Variants in FTO observed in about 807,000 individuals in gnomAD.
FTO encodes alpha-ketoglutarate-dependent dioxygenase FTO.
In FTO, 47 loss-of-function variants were observed where a neutral mutation model predicts 63.9. The observed-to-expected ratio is 0.74, with a 90% confidence interval of 0.58 to 0.94. The LOEUF (loss-of-function observed/expected upper bound fraction) is 0.94, where lower values mean the gene tolerates loss of function less well. Among genes scored for constraint, FTO ranks in the 40% least tolerant of loss-of-function variants. The pLI is 0.00. For synonymous variants in FTO, 207 were observed against 224.4 expected, an observed-to-expected ratio of 0.92 and a Z score of 0.69; for missense variants, 562 against 618.1, an observed-to-expected ratio of 0.91 and a Z score of 0.96.
intron 8 of FTO, among the ~76,000 whole-genome samples, chr16:53,984,778 A>T (rs2083627308): frequency 6.6e-6 from 1 of 151,450 alleles, no homozygotes; most frequent in Non-Finnish European, 1.5e-5. Context: ...TAGACGAGAA[A>T]AGGCCTTGAC....
At chr16:53,718,440 C>T (rs977391689) in intron 1 of FTO, among the ~76,000 whole-genome samples, 16 of 151,956 alleles carry the variant, frequency 1.1e-4, no homozygotes, top group African/African-American at 2.2e-4. Flanking sequence ...TGGATATTTA[C>T]GAGGTTGATA....
At chr16:53,793,319 T>A (rs1437944205) in intron 1 of FTO, among the ~76,000 whole-genome samples, 1 of 152,224 alleles carries the variant, frequency 6.6e-6, no homozygotes, top group Non-Finnish European at 1.5e-5. Context: ...CAGGACACCT[T>A]CTTTTCCCTT....
intron 1 of FTO, among the ~76,000 whole-genome samples, chr16:53,804,961 C>T (rs532291534): frequency 6.6e-6 from 1 of 152,172 alleles, no homozygotes; most frequent in South Asian, 2.1e-4. Flanking sequence ...TCCTTGCCCA[C>T]CAAGCACCCT....
At chr16:54,050,933 G>A (rs1428454976) in intron 8 of FTO, among the ~76,000 whole-genome samples, 1 of 152,200 alleles carries the variant, frequency 6.6e-6, no homozygotes, top group Non-Finnish European at 1.5e-5. Flanking sequence ...AGAACAGACA[G>A]TATGAAAACA....
chr16:53,901,330 A>G (rs936495626), intron 7 of FTO, among the ~76,000 whole-genome samples: 2 of 152,112 alleles, frequency 1.3e-5, no homozygotes, highest in Admixed American at 1.3e-4. Context: ...CTTGTTAGGA[A>G]CCCTAAGTGT....
chr16:53,716,787 A>G (rs1246020142), intron 1 of FTO, among the ~76,000 whole-genome samples: 2 of 151,418 alleles, frequency 1.3e-5, no homozygotes, highest in South Asian at 4.1e-4. Flanking sequence ...AAAAACTAAC[A>G]AATATGGAAA....
intron 3 of FTO, among the ~76,000 whole-genome samples, chr16:53,840,839 C>A (rs1460087100): frequency 1.3e-5 from 2 of 152,000 alleles, no homozygotes; most frequent in Non-Finnish European, 2.9e-5. Flanking sequence ...CCTATAGCCA[C>A]TGTGACTGGC....
chr16:53,796,106 T>C (rs1442319546), intron 1 of FTO, among the ~76,000 whole-genome samples: 1 of 148,808 alleles, frequency 6.7e-6, no homozygotes, highest in Non-Finnish European at 1.5e-5. Context: ...TGGAGTGCAA[T>C]GGCGCAATGC....
At chr16:54,048,784 ATCT>A (rs1410584333) in intron 8 of FTO, among the ~76,000 whole-genome samples, 2 of 152,162 alleles carry the variant, frequency 1.3e-5, no homozygotes, top group Non-Finnish European at 2.9e-5. Flanking sequence ...CCGAGTTGAC[ATCT>A]TCTTCTAAAA....
intron 1 of FTO, among the ~76,000 whole-genome samples, chr16:53,799,432 C>G (rs1156444663): frequency 6.6e-6 from 1 of 151,932 alleles, no homozygotes; most frequent in Non-Finnish European, 1.5e-5. Flanking sequence ...AGAGCAAGGC[C>G]TATGTCTTGA....
intron 8 of FTO, among the ~76,000 whole-genome samples, chr16:53,980,937 C>T (rs1395089648): frequency 1.3e-5 from 2 of 152,148 alleles, no homozygotes; most frequent in African/African-American, 2.4e-5. Flanking sequence ...TCATATTATA[C>T]ACAAGTATAA....
intron 1 of FTO, among the ~76,000 whole-genome samples, chr16:53,715,133 A>G (rs2075864855): frequency 6.6e-6 from 1 of 152,096 alleles, no homozygotes; most frequent in South Asian, 2.1e-4. Flanking sequence ...GGACTATTAG[A>G]TGCTTTATTT....
chr16:53,784,107 A>G (rs1309901591), intron 1 of FTO, among the ~76,000 whole-genome samples: 1 of 152,220 alleles, frequency 6.6e-6, no homozygotes, highest in Non-Finnish European at 1.5e-5. Flanking sequence ...GTGAGTGTTG[A>G]GCATGAGGGT....
intron 3 of FTO, among the ~76,000 whole-genome samples, chr16:53,840,372 T>A (rs1055432830): frequency 1.3e-5 from 2 of 152,212 alleles, no homozygotes; most frequent in African/African-American, 4.8e-5. Context: ...CTGTATGCTG[T>A]CATTAGTCAT....
At position 53,966,782 on chromosome 16, in the gene FTO, G is replaced by T. The variant is rs754453617; in HGVS notation, c.1364+32673G>T. Among the ~76,000 whole-genome samples, 10 of 152,276 alleles carry T rather than the reference G, an allele frequency of 6.6e-5. No homozygotes were observed. In the East Asian group the frequency reaches 1.2e-3, roughly 18 times the overall value. ...AAAGAAAGAAACTTAATTTTATGCC[G>T]CTAGATATGAAAGACAGGTAGCTAT... On this transcript the variant is annotated intron_variant, in intron 8 of 8. Coordinates refer to ENST00000471389, the MANE Select transcript of FTO (RefSeq NM_001080432.3).
At chr16:54,021,696 G>A (rs559947225) in intron 8 of FTO, among the ~76,000 whole-genome samples, 82 of 152,198 alleles carry the variant, frequency 5.4e-4, no homozygotes, top group African/African-American at 1.9e-3. Flanking sequence ...CCCCATGTTG[G>A]TCAGGCTGGT....
At chr16:54,030,582 T>G (rs1351429693) in intron 8 of FTO, among the ~76,000 whole-genome samples, 2 of 152,162 alleles carry the variant, frequency 1.3e-5, no homozygotes, top group Non-Finnish European at 2.9e-5. Flanking sequence ...GTTTTTCCTC[T>G]GATATGCAAT....
chr16:54,032,460 C>T (rs555201389), intron 8 of FTO, among the ~76,000 whole-genome samples: 29 of 152,288 alleles, frequency 1.9e-4, no homozygotes, highest in African/African-American at 6.7e-4. Context: ...CAACATTCTT[C>T]TGGCTGTGAA....
At chr16:53,778,830 T>C (rs1022287421) in intron 1 of FTO, among the ~76,000 whole-genome samples, 3 of 151,278 alleles carry the variant, frequency 2.0e-5, no homozygotes, top group African/African-American at 7.3e-5. Flanking sequence ...TGATAATAAA[T>C]GTTTAACCTA....
Sources: gnomAD v4.1 joint callset for allele counts (sites outside exome capture counted in the v4.1 genomes callset) on GRCh38, gnomAD v4.1.1 for gene constraint, MANE v1.5 for transcripts, NCBI Gene and HGNC (gene_info 2026-07-23, HGNC 2026-07-21) for gene names.